Variants in DDIT4 observed in about 807,000 individuals in gnomAD.
DDIT4 encodes DNA damage inducible transcript 4.
In DDIT4, 20 loss-of-function variants were observed where a neutral mutation model predicts 20.2. The observed-to-expected ratio is 0.99, with a 90% CI of 0.70 to 1.44. DDIT4 has a LOEUF of 1.44. DDIT4 is among the 40% of genes most tolerant of loss of function. The probability of loss-of-function intolerance (pLI) is 0.00; values close to 1 mark genes in which losing one functional copy is unlikely to be tolerated. For missense variants in DDIT4, 316 were observed against 298.1 expected, an observed-to-expected ratio of 1.06 and a Z score of -0.44; for synonymous variants, 152 against 144.6, an observed-to-expected ratio of 1.05 and a Z score of -0.37.
rs1031066944 is a variant in DDIT4, at chr10:72,274,160, C to T, written c.-57C>T. On this transcript the variant is annotated 5_prime_UTR_variant, in exon 2 of 3. Coordinates refer to ENST00000307365, the MANE Select transcript of DDIT4 (RefSeq NM_019058.4). Reference sequence around the variant, plus strand: ...CGGTCCCCCTCTTGTCTTACAGCGGCTTCTACGCTCCGGCACTCTGAGTTC... The same window carrying T: ...CGGTCCCCCTCTTGTCTTACAGCGGTTTCTACGCTCCGGCACTCTGAGTTC... 160 of 1,405,962 alleles carry T rather than the reference C, an allele frequency of 1.1e-4. 3 individuals are homozygous for T. The South Asian group carries it at 1.6e-3, about 14-fold the overall frequency. The allele number at this position is 1,405,962 out of a possible 1,614,324, so 87.1% of individuals were successfully genotyped here. A position where few individuals can be genotyped will look rare whatever the true frequency, so the allele number is the denominator to read the frequency against.
In DDIT4 at chr10:72,274,041, C is replaced by T; in HGVS notation, c.-80C>T. ...GCAGGACGCACTTGTCTTAGCAGTT[C>T]TCGCTGACCGCGCTAGCTGGTGAGT... On this transcript the variant is annotated 5_prime_UTR_variant, in exon 1 of 3. Transcript: ENST00000307365. 3.2e-6 allele frequency: 2 copies of T among 631,516 alleles called. No individual in the cohort carries two copies. The highest frequency in any genetic ancestry group is 3.6e-5 in the South Asian group (2 of 55,504). The allele number at this position is 631,516 out of a possible 1,614,324, so 39.1% of individuals were successfully genotyped here. A position where few individuals can be genotyped will look rare whatever the true frequency, so the allele number is the denominator to read the frequency against.
At position 72,274,000 on chromosome 10, in the gene DDIT4, C is replaced by T. The variant is rs529394063; in HGVS notation, c.-121C>T. On this transcript the variant is annotated 5_prime_UTR_variant, in exon 1 of 3. Coordinates refer to ENST00000307365, the MANE Select transcript of DDIT4 (RefSeq NM_019058.4). ...GCTCTCGGTGGTTGGCACGGGTTCGCACACCCATTCAAGCGGCAGGACGCA... is the reference window on the plus strand; with the variant it reads ...GCTCTCGGTGGTTGGCACGGGTTCGTACACCCATTCAAGCGGCAGGACGCA... The T allele has an allele frequency of 4.2e-6, 2 of 479,234 alleles. No individual in the cohort carries two copies. Among genetic ancestry groups the T allele is most frequent in the South Asian group, 3.1e-5 (1 of 31,796 alleles). The allele number at this position is 479,234 out of a possible 1,614,324, so 29.7% of individuals were successfully genotyped here. A position where few individuals can be genotyped will look rare whatever the true frequency, so the allele number is the denominator to read the frequency against.
intron 2 of DDIT4, 35 bp from the exon 3 acceptor site, chr10:72,274,660 C>A: frequency 6.4e-7 from 1 of 1,570,794 alleles, no homozygotes; most frequent in Non-Finnish European, 8.6e-7. Flanking sequence ...TTTGAAGCCG[C>A]TCTAATACCC....
rs1261060647 is a variant in DDIT4, at chr10:72,275,160, C to T, written c.671C>T (p.Ser224Leu). 2.5e-6 allele frequency: 4 copies of T among 1,611,928 alleles called. No homozygotes were observed. Among genetic ancestry groups the T allele is most frequent in the Non-Finnish European group, 2.5e-6 (3 of 1,179,944 alleles). Reference sequence around the variant, plus strand: ...GTCATCAAGAAGAAGCTGTACAGCTCGGAACAGCTGCTCATTGAGGAGTGT... The same window carrying T: ...GTCATCAAGAAGAAGCTGTACAGCTTGGAACAGCTGCTCATTGAGGAGTGT... ...FRVIKKKLYS[S>L]EQLLIEEC is the part of the protein sequence containing the mutation. Residue 224 changes from serine (S) to leucine (L), a missense_variant, in exon 3 of 3, where the codon TCG (serine) becomes TTG (leucine). By Grantham distance (145) the Ser-to-Leu change is moderately radical. Coordinates refer to ENST00000307365, the MANE Select transcript of DDIT4 (RefSeq NM_019058.4).
intron 2 of DDIT4, 39 bp downstream of exon 2, chr10:72,274,460 G>A (rs747107304): frequency 6.6e-7 from 1 of 1,506,494 alleles, no homozygotes; most frequent in Admixed American, 2.1e-5. Context: ...TCGAGGGGCC[G>A]GGAAGGTGGG....
rs200959111 is a variant in DDIT4 at position 72,274,847 on chromosome 10, C to T, written c.358C>T (p.Pro120Ser). 2 of 1,613,582 alleles carry T rather than the reference C, an allele frequency of 1.2e-6. No individual in the cohort carries two copies. Among genetic ancestry groups the T allele is most frequent in the Admixed American group, 1.7e-5 (1 of 60,030 alleles). The change falls in exon 3 of 3, where the codon CCT (proline) becomes TCT (serine). Residue 120 changes from proline (P) to serine (S), a missense_variant. By Grantham distance (74) the Pro-to-Ser change is moderately conservative. Transcript: ENST00000307365. ...GSRRPARLLM[P>S]SQLVSQVGKE... ...TCGACGCCCTGCGCGCCTGCTGATGCCTAGCCAGTTGGTAAGCCAGGTGGG... is the reference window on the plus strand; with the variant it reads ...TCGACGCCCTGCGCGCCTGCTGATGTCTAGCCAGTTGGTAAGCCAGGTGGG...
rs535363121 is a variant in DDIT4, at chr10:72,275,613, G to T, written c.*425G>T. ...AGGGGGGAGGTCGGAGGTCGTGGAG[G>T]TGGTTTGTGTATCTTACTGGTCTGA... is the stretch of plus-strand genomic sequence containing the variant. On this transcript the variant is annotated 3_prime_UTR_variant, in exon 3 of 3. Transcript: ENST00000307365. 34 of 193,476 alleles carry T rather than the reference G, an allele frequency of 1.8e-4. No individual in the cohort carries two copies. Among genetic ancestry groups the T allele is most frequent in the Non-Finnish European group, 3.4e-4 (31 of 92,080 alleles). 12.0% of individuals were successfully genotyped at this position (193,476 alleles called of 1,614,324 possible). A position where few individuals can be genotyped will look rare whatever the true frequency, so the allele number is the denominator to read the frequency against.
chr10:72,274,493 T>A, intron 2 of DDIT4, 72 bp downstream of exon 2: 2 of 1,461,924 alleles, frequency 1.4e-6, no homozygotes, highest in Non-Finnish European at 1.8e-6. Context: ...CTGGAAGGGG[T>A]CAGAGCCGCC....
rs1407204336 is a variant in DDIT4 at position 72,275,130 on chromosome 10, T to C, written c.641T>C (p.Phe214Ser). 1 of 1,613,144 alleles carries C rather than the reference T, an allele frequency of 6.2e-7. No individual in the cohort carries two copies. The highest frequency in any genetic ancestry group is 1.7e-5 in the Admixed American group (1 of 59,990). Residue 214 changes from phenylalanine to serine, a missense_variant, in exon 3 of 3, where the codon TTC becomes TCC. Phe to Ser is a radical substitution (Grantham distance 155). Coordinates refer to ENST00000307365, the MANE Select transcript of DDIT4 (RefSeq NM_019058.4). ...FSQSLTLSTG[F>S]RVIKKKLYSS... is the part of the protein sequence containing the mutation. ...CAGTCCCTGACGCTGAGCACTGGCT[T>C]CCGAGTCATCAAGAAGAAGCTGTAC...
In DDIT4 at chr10:72,275,054, A is replaced by T; in HGVS notation, c.565A>T (p.Ile189Phe). The T allele has an allele frequency of 6.2e-7, 1 of 1,613,548 alleles. No homozygotes were observed. ...CCTGGACTCACGACTCTGGCCCAAGATCCAGGGGCTGTTTAGCTCCGCCAA... is the reference window on the plus strand; with the variant it reads ...CCTGGACTCACGACTCTGGCCCAAGTTCCAGGGGCTGTTTAGCTCCGCCAA... ...LRLDSRLWPK[I>F]QGLFSSANSP... is the part of the protein sequence containing the mutation. Residue 189 changes from isoleucine to phenylalanine, a missense_variant, in exon 3 of 3, where the codon ATC becomes TTC. Coordinates refer to ENST00000307365, the MANE Select transcript of DDIT4 (RefSeq NM_019058.4).
Position 72,274,346 on chromosome 10 carries a change from G to C in DDIT4, c.130G>C (p.Asp44His). Reference sequence around the variant, plus strand: ...GTCGGCGACCCGGGAGGAGGGGTTTGACCGCTCCACGAGCCTGGAGAGCTC... The same window carrying C: ...GTCGGCGACCCGGGAGGAGGGGTTTCACCGCTCCACGAGCCTGGAGAGCTC... The part of the protein sequence containing the change: ...WGSATREEGF[D>H]RSTSLESSDC... The change falls in exon 2 of 3, where the codon GAC (aspartate) becomes CAC (histidine). Residue 44 changes from aspartate (D) to histidine (H), a missense_variant. Transcript: ENST00000307365. 2 of 1,611,518 alleles carry C rather than the reference G, an allele frequency of 1.2e-6. No individual in the cohort carries two copies. Among genetic ancestry groups the C allele is most frequent in the Non-Finnish European group, 1.7e-6 (2 of 1,179,850 alleles).
Position 72,274,334 on chromosome 10 carries a change from G to T in DDIT4, c.118G>T (p.Glu40Ter). ...CTCAGCCTGGGGGTCGGCGACCCGG[G>T]AGGAGGGGTTTGACCGCTCCACGAG... is the stretch of plus-strand genomic sequence containing the variant. ...PRSAWGSATR[E>*]EGFDRSTSLE... Residue 40 changes from glutamate (E) to a stop codon, truncating the protein, a stop_gained, in exon 2 of 3, where the codon GAG (glutamate) becomes TAG (stop). Coordinates refer to ENST00000307365, the MANE Select transcript of DDIT4 (RefSeq NM_019058.4). LOFTEE classifies it high-confidence loss of function. 1 of 1,612,216 alleles carries T rather than the reference G, an allele frequency of 6.2e-7. No individual in the cohort carries two copies.
Position 72,273,990 on chromosome 10 carries a change from C to CGTATCATTAA in DDIT4, c.-131_-130insGTATCATTAA. ...GGTCTGGGCGGCTCTCGGTGGTTGGCACGGGTTCGCACACCCATTCAAGCG... is the reference window on the plus strand; with the variant it reads ...GGTCTGGGCGGCTCTCGGTGGTTGGCGTATCATTAAACGGGTTCGCACACCCATTCAAGCG... On this transcript the variant is annotated 5_prime_UTR_variant, in exon 1 of 3. Coordinates refer to ENST00000307365, the MANE Select transcript of DDIT4 (RefSeq NM_019058.4). The CGTATCATTAA allele has an allele frequency of 3.6e-6, 2 of 559,190 alleles. No individual in the cohort carries two copies. The highest frequency in any genetic ancestry group is 6.4e-6 in the Non-Finnish European group (2 of 311,332). The allele number at this position is 559,190 out of a possible 1,614,324, so 34.6% of individuals were successfully genotyped here. A position where few individuals can be genotyped will look rare whatever the true frequency, so the allele number is the denominator to read the frequency against.
intron 2 of DDIT4, 97 bp downstream of exon 2, chr10:72,274,518 C>T: frequency 2.8e-6 from 4 of 1,419,948 alleles, no homozygotes; most frequent in Non-Finnish European, 2.8e-6. Flanking sequence ...CTTCCTATCC[C>T]ATCGGGACCC....
At position 72,274,000 on chromosome 10, in the gene DDIT4, C is replaced by CAGCATTAA; in HGVS notation, c.-120_-119insGCATTAAA. 3 of 479,112 alleles carry CAGCATTAA rather than the reference C, an allele frequency of 6.3e-6. No homozygotes were observed. The highest frequency in any genetic ancestry group is 3.1e-5 in the South Asian group (1 of 31,796). The allele number at this position is 479,112 out of a possible 1,614,324, so 29.7% of individuals were successfully genotyped here. On this transcript the variant is annotated 5_prime_UTR_variant, in exon 1 of 3. Transcript: ENST00000307365. Reference sequence around the variant, plus strand: ...GCTCTCGGTGGTTGGCACGGGTTCGCACACCCATTCAAGCGGCAGGACGCA... The same window carrying CAGCATTAA: ...GCTCTCGGTGGTTGGCACGGGTTCGCAGCATTAAACACCCATTCAAGCGGCAGGACGCA...
In DDIT4 at chr10:72,274,216, C is replaced by T; in HGVS notation, c.-1C>T. ...CAAACGCCCTGGCGTCTGTCCTCAC[C>T]ATGCCTAGCCTTTGGGACCGCTTCT... On this transcript the variant is annotated 5_prime_UTR_variant, in exon 2 of 3. Transcript: ENST00000307365. 6.2e-7 allele frequency: 1 copy of T among 1,612,594 alleles called. No individual in the cohort carries two copies. Among genetic ancestry groups the T allele is most frequent in the South Asian group, 1.1e-5 (1 of 91,044 alleles).
At chr10:72,274,494 C>T in intron 2 of DDIT4, 73 bp downstream of exon 2, 1 of 1,460,212 alleles carries the variant, frequency 6.8e-7, no homozygotes, top group Non-Finnish European at 9.1e-7. Context: ...TGGAAGGGGT[C>T]AGAGCCGCCT....
chr10:72,274,811 CG>C lies in DDIT4; in HGVS notation c.324del (p.Leu109TrpfsTer10). ...QLLQESLAQA[R>X]LGSRRPARLL... ...GCTGCAGGAGAGCCTGGCCCAGGCGCGGCTGGGCTCTCGACGCCCTGCGCGC... is the reference window on the plus strand; with the variant it reads ...GCTGCAGGAGAGCCTGGCCCAGGCGCGCTGGGCTCTCGACGCCCTGCGCGC... On this transcript the variant is annotated frameshift_variant, in exon 3 of 3. Coordinates refer to ENST00000307365, the MANE Select transcript of DDIT4 (RefSeq NM_019058.4). LOFTEE classifies it high-confidence loss of function. 5 of 1,613,760 alleles carry C rather than the reference CG, an allele frequency of 3.1e-6. No individual in the cohort carries two copies. Among genetic ancestry groups the C allele is most frequent in the Non-Finnish European group, 3.4e-6 (4 of 1,180,022 alleles).
Position 72,275,166 on chromosome 10 carries a change from A to T in DDIT4, c.677A>T (p.Gln226Leu). 6.2e-7 allele frequency: 1 copy of T among 1,611,576 alleles called. No individual in the cohort carries two copies. Among genetic ancestry groups the T allele is most frequent in the South Asian group, 1.1e-5 (1 of 91,074 alleles). ...VIKKKLYSSE[Q>L]LLIEEC is the part of the protein sequence containing the mutation. ...AAGAAGAAGCTGTACAGCTCGGAAC[A>T]GCTGCTCATTGAGGAGTGTTGAACT... The change falls in exon 3 of 3, where the codon CAG becomes CTG. Residue 226 changes from glutamine to leucine, a missense_variant. Transcript: ENST00000307365.
Sources: gnomAD v4.1 joint callset for allele counts on GRCh38, gnomAD v4.1.1 for gene constraint, MANE v1.5 for transcripts, NCBI Gene and HGNC (gene_info 2026-07-23, HGNC 2026-07-21) for gene names.